The following SGCZ variants were observed in gnomAD, a reference collection of about 807,000 sequenced individuals.
SGCZ encodes the protein zeta-sarcoglycan.
SGCZ carries 40 observed loss-of-function variants against 41.3 expected under a neutral mutation model. The observed-to-expected ratio is 0.97, with a 90% CI of 0.75 to 1.26. The LOEUF (loss-of-function observed/expected upper bound fraction) is 1.26, where lower values mean the gene tolerates loss of function less well. Among genes scored for constraint, SGCZ ranks in the 50% most tolerant of loss-of-function variants. The pLI, the probability that SGCZ is intolerant of heterozygous loss-of-function variation, is 0.00. For synonymous variants in SGCZ, 206 were observed against 137.5 expected, an observed-to-expected ratio of 1.50 and a Z score of -3.49; for missense variants, 552 against 369.8, an observed-to-expected ratio of 1.49 and a Z score of -4.04.
intron 1 of SGCZ, among the ~76,000 whole-genome samples, chr8:14,822,964 G>A (rs565158535): frequency 6.7e-6 from 1 of 148,872 alleles, no homozygotes; most frequent in Admixed American, 6.8e-5. Context: ...TGAGGCAGGA[G>A]AATTGCTGGA....
intron 3 of SGCZ, among the ~76,000 whole-genome samples, chr8:14,279,410 G>C (rs1279678460): frequency 6.6e-6 from 1 of 152,040 alleles, no homozygotes; most frequent in East Asian, 1.9e-4. Context: ...GGGACATTTT[G>C]AACTCTTTAG....
At chr8:15,079,833 G>A (rs1585541394) in intron 1 of SGCZ, among the ~76,000 whole-genome samples, 2 of 152,144 alleles carry the variant, frequency 1.3e-5, no homozygotes, top group East Asian at 1.9e-4. Flanking sequence ...TATCGCCCAA[G>A]TAGGGAACAT....
chr8:14,837,039 C>G (rs1802723792), intron 1 of SGCZ, among the ~76,000 whole-genome samples: 1 of 152,116 alleles, frequency 6.6e-6, no homozygotes, highest in South Asian at 2.1e-4. Context: ...TTATGCCCTC[C>G]TCAACTTCTA....
chr8:15,021,901 G>A (rs1165130571), intron 1 of SGCZ, among the ~76,000 whole-genome samples: 2 of 152,124 alleles, frequency 1.3e-5, no homozygotes, highest in African/African-American at 2.4e-5. Flanking sequence ...GAAATATACT[G>A]TCTCTTTTTG....
chr8:14,646,030 GAT>G (rs1807203091), intron 1 of SGCZ, among the ~76,000 whole-genome samples: 1 of 151,742 alleles, frequency 6.6e-6, no homozygotes, highest in African/African-American at 2.4e-5. Context: ...AGCTTGTAGA[GAT>G]AGTTTCCTTT....
At chr8:14,726,835 C>CTT (rs1348660171) in intron 1 of SGCZ, among the ~76,000 whole-genome samples, 2 of 151,762 alleles carry the variant, frequency 1.3e-5, no homozygotes, top group Non-Finnish European at 2.9e-5. Flanking sequence ...CAAATACTGT[C>CTT]TGTCACCTGA....
At chr8:14,132,518 TTG>T (rs1188155362) in intron 5 of SGCZ, among the ~76,000 whole-genome samples, 15 of 152,214 alleles carry the variant, frequency 9.9e-5, no homozygotes, top group African/African-American at 3.6e-4. Context: ...TACGTTCTGT[TTG>T]TTTTATACTT....
intron 1 of SGCZ, among the ~76,000 whole-genome samples, chr8:14,891,752 G>A (rs1437414459): frequency 6.6e-6 from 1 of 152,148 alleles, no homozygotes; most frequent in East Asian, 1.9e-4. Flanking sequence ...GTCAATCAAT[G>A]CAGCAGACTT....
chr8:14,648,129 G>A (rs550757615), intron 1 of SGCZ, among the ~76,000 whole-genome samples: 1 of 151,988 alleles, frequency 6.6e-6, no homozygotes, highest in Non-Finnish European at 1.5e-5. Flanking sequence ...CTCCTTAAAA[G>A]TTAAAAGTAT....
At chr8:14,697,512 GTAGT>G (rs1809002664) in intron 1 of SGCZ, among the ~76,000 whole-genome samples, 1 of 151,986 alleles carries the variant, frequency 6.6e-6, no homozygotes, top group Non-Finnish European at 1.5e-5. Flanking sequence ...TGCAATCCAT[GTAGT>G]TAAAAAGTGT....
chr8:14,612,095 G>C (rs1359578869), intron 1 of SGCZ, among the ~76,000 whole-genome samples: 1 of 152,152 alleles, frequency 6.6e-6, no homozygotes, highest in East Asian at 1.9e-4. Context: ...GAAAACGTAT[G>C]TCTTTCTATG....
chr8:14,776,502 A>G (rs1341604886), intron 1 of SGCZ, among the ~76,000 whole-genome samples: 2 of 143,894 alleles, frequency 1.4e-5, no homozygotes, highest in African/African-American at 2.5e-5. Flanking sequence ...AGACTAATAC[A>G]CTTTTTTTTC....
intron 3 of SGCZ, among the ~76,000 whole-genome samples, chr8:14,259,109 G>A (rs1799562812): frequency 6.6e-6 from 1 of 152,056 alleles, no homozygotes; most frequent in South Asian, 2.1e-4. Context: ...GTAACCTCTA[G>A]TATACGGATT....
intron 2 of SGCZ, among the ~76,000 whole-genome samples, chr8:14,495,641 A>G (rs979798042): frequency 6.6e-6 from 1 of 152,164 alleles, no homozygotes; most frequent in African/African-American, 2.4e-5. Context: ...TACAAAATAG[A>G]TTTGGATTTA....
chr8:14,923,538 A>G (rs894324157), intron 1 of SGCZ, among the ~76,000 whole-genome samples: 4 of 152,108 alleles, frequency 2.6e-5, no homozygotes, highest in Non-Finnish European at 4.4e-5. Flanking sequence ...CAGGACACAT[A>G]TATTCATGGT....
At chr8:14,711,761 A>G (rs1563218641) in intron 1 of SGCZ, among the ~76,000 whole-genome samples, 1 of 152,214 alleles carries the variant, frequency 6.6e-6, no homozygotes, top group Non-Finnish European at 1.5e-5. Context: ...AAAACTGCAC[A>G]TAGTAACACT....
chr8:14,742,218 C>T (rs903695255), intron 1 of SGCZ, among the ~76,000 whole-genome samples: 14 of 152,068 alleles, frequency 9.2e-5, no homozygotes, highest in African/African-American at 3.4e-4. Flanking sequence ...AATGATCCAT[C>T]TGTGCAGGCA....
chr8:14,968,288 T>C (rs937052620), intron 1 of SGCZ, among the ~76,000 whole-genome samples: 4 of 152,150 alleles, frequency 2.6e-5, no homozygotes, highest in African/African-American at 9.6e-5. Flanking sequence ...TGTGGCAGAT[T>C]GATTAAAATC....
chr8:14,741,530 TAATAA>T (rs1799197854), intron 1 of SGCZ, among the ~76,000 whole-genome samples: 1 of 152,078 alleles, frequency 6.6e-6, no homozygotes, highest in Non-Finnish European at 1.5e-5. Context: ...ACATTTATGG[TAATAA>T]AATAAGTATT....
Sources: gnomAD v4.1 joint callset for allele counts (sites outside exome capture counted in the v4.1 genomes callset) on GRCh38, gnomAD v4.1.1 for gene constraint, MANE v1.5 for transcripts, NCBI Gene and HGNC (gene_info 2026-07-23, HGNC 2026-07-21) for gene names.